The following MAP4K4 variants were observed in gnomAD, a reference collection of about 807,000 sequenced individuals.
MAP4K4 encodes the protein HPK/GCK-like kinase HGK.
Under a neutral mutation model 189.6 loss-of-function variants are expected in MAP4K4, and 38 were observed. The ratio of observed to expected loss-of-function variants is 0.20; its 90% CI spans 0.15 to 0.26. The LOEUF (loss-of-function observed/expected upper bound fraction) is 0.26. Ranked by LOEUF, MAP4K4 falls within the 10% of genes least tolerant of loss-of-function variation. The pLI, the probability that MAP4K4 is intolerant of heterozygous loss-of-function variation, is 1.00. For missense variants in MAP4K4, 1,054 were observed against 1,726.9 expected (o/e 0.61, Z 6.91); for synonymous variants, 610 against 624.3 (o/e 0.98, Z 0.34).
rs199860196 is a variant in MAP4K4, at chr2:101,732,432, T to A, written c.123+33894T>A. Reference sequence around the variant, plus strand: ...TGCTGTGAAGTGGGATGCTATAAAATTCGGGGGAGTTTTCCTTCTACCCGG... The same window carrying A: ...TGCTGTGAAGTGGGATGCTATAAAAATCGGGGGAGTTTTCCTTCTACCCGG... On this transcript the variant is annotated intron_variant, in intron 2 of 32. Coordinates refer to ENST00000324219, the Ensembl canonical transcript of MAP4K4. 3.9e-5 allele frequency among the ~76,000 whole-genome samples: 6 copies of A among 152,090 alleles called. No homozygotes were observed. In the East Asian group the frequency reaches 1.2e-3, roughly 29 times the overall value.
chr2:101,830,618 C>G (rs937119585), intron 6 of MAP4K4, among the ~76,000 whole-genome samples: 3 of 152,128 alleles, frequency 2.0e-5, no homozygotes, highest in African/African-American at 7.2e-5. Context: ...TGTTGGTTTT[C>G]TATGGAGGAA....
chr2:101,872,027 C>A (rs1352344468), intron 24 of MAP4K4, among the ~76,000 whole-genome samples: 1 of 152,158 alleles, frequency 6.6e-6, no homozygotes. Context: ...TTCTTATAGT[C>A]ATTTGTGGAA....
chr2:101,862,686 G>A (rs900656342), intron 16 of MAP4K4, among the ~76,000 whole-genome samples: 12 of 152,120 alleles, frequency 7.9e-5, no homozygotes, highest in Non-Finnish European at 1.3e-4. Flanking sequence ...GACTTTTCTC[G>A]TGTAGGACTC....
chr2:101,707,921 C>CT (rs1471643679), intron 2 of MAP4K4, among the ~76,000 whole-genome samples: 1 of 149,386 alleles, frequency 6.7e-6, no homozygotes, highest in Admixed American at 6.7e-5. Flanking sequence ...AGGATAGTCT[C>CT]TTATCTCCTG....
At chr2:101,850,975 A>G (rs2097265072) in intron 12 of MAP4K4, among the ~76,000 whole-genome samples, 1 of 152,242 alleles carries the variant, frequency 6.6e-6, no homozygotes, top group Non-Finnish European at 1.5e-5. Context: ...AGTCCAAAGA[A>G]TTAACTAGTT....
chr2:101,867,337 T>C (rs777930635), intron 20 of MAP4K4, 28 bp downstream of exon 20: 1 of 1,530,638 alleles, frequency 6.5e-7, no homozygotes, highest in Admixed American at 1.8e-5. Context: ...TCAGTTTTAC[T>C]TATTTCAGAC....
At chr2:101,816,569 A>C (rs192117816) in intron 3 of MAP4K4, among the ~76,000 whole-genome samples, 8 of 152,310 alleles carry the variant, frequency 5.3e-5, no homozygotes, top group Admixed American at 2.6e-4. Context: ...GACTGAGGCA[A>C]GATTCTCCTC....
At chr2:101,881,691 G>A (rs2098396059) in intron 27 of MAP4K4, among the ~76,000 whole-genome samples, 1 of 152,102 alleles carries the variant, frequency 6.6e-6, no homozygotes, top group Non-Finnish European at 1.5e-5. Context: ...TCAAATTGAG[G>A]CAGTTCCCCC....
rs113892799 is a variant in MAP4K4, at chr2:101,878,161, C to T, written c.3385+1015C>T. Among the ~76,000 whole-genome samples, 322 of 152,306 alleles carry T rather than the reference C, an allele frequency of 2.1e-3. 1 individual carries two copies. The highest frequency in any genetic ancestry group is 5.0e-3 in the South Asian group (24 of 4,828). On this transcript the variant is annotated intron_variant, in intron 27 of 32. Coordinates refer to ENST00000324219, the Ensembl canonical transcript of MAP4K4. ...AAGTAGAATCATCCAGAGATCATAT[C>T]TTTTAACTTTTATAAGTTTTTAAAT...
At position 101,808,077 on chromosome 2, in the gene MAP4K4, A is replaced by G. The variant is rs577140970; in HGVS notation, c.181-15851A>G. Among the ~76,000 whole-genome samples the G allele has an allele frequency of 3.9e-5, 6 of 152,354 alleles. No homozygotes were observed. The East Asian group carries it at 9.6e-4, about 24-fold the overall frequency. ...CAACAACGGAAGTTTTCTTCAGGAT[A>G]AGCCCATTTTTCATTGCCTTACAAA... On this transcript the variant is annotated intron_variant, in intron 3 of 32. Coordinates refer to ENST00000324219, the Ensembl canonical transcript of MAP4K4.
intron 2 of MAP4K4, among the ~76,000 whole-genome samples, chr2:101,764,099 A>G (rs764850581): frequency 1.3e-5 from 2 of 152,088 alleles, no homozygotes; most frequent in Admixed American, 6.6e-5. Flanking sequence ...AGGAGGGTTT[A>G]TTTAACATAC....
intron 3 of MAP4K4, among the ~76,000 whole-genome samples, chr2:101,804,025 C>T (rs550266144): frequency 4.6e-5 from 7 of 152,258 alleles, no homozygotes; most frequent in East Asian, 3.9e-4. Flanking sequence ...ATGGCCTCAG[C>T]GTTGCGGGAA....
chr2:101,806,561 G>A (rs1370672704), intron 3 of MAP4K4, among the ~76,000 whole-genome samples: 3 of 152,024 alleles, frequency 2.0e-5, no homozygotes, highest in African/African-American at 2.4e-5. Context: ...TATATTTTTA[G>A]TAGAGACAGG....
chr2:101,803,245 A>ATGTGTGTGTGTGTGTGTG (rs6146862), intron 3 of MAP4K4, among the ~76,000 whole-genome samples: 16 of 150,242 alleles, frequency 1.1e-4, no homozygotes, highest in African/African-American at 3.5e-4. Context: ...GATGATGATG[A>ATGTGTGTGTGTGTGTGTG]TGTGTGTGTG....
At chr2:101,716,269 C>A (rs569716562) in intron 2 of MAP4K4, among the ~76,000 whole-genome samples, 1 of 152,076 alleles carries the variant, frequency 6.6e-6, no homozygotes, top group Non-Finnish European at 1.5e-5. Flanking sequence ...CGGTGAAACG[C>A]CGTCTCTACT....
At chr2:101,845,036 G>T (rs1023682966) in intron 12 of MAP4K4, among the ~76,000 whole-genome samples, 3 of 152,118 alleles carry the variant, frequency 2.0e-5, no homozygotes, top group Non-Finnish European at 4.4e-5. Context: ...TACAAGTCAA[G>T]GAAGGACCAA....
intron 7 of MAP4K4, among the ~76,000 whole-genome samples, chr2:101,833,403 G>A (rs1482641644): frequency 1.3e-5 from 2 of 152,030 alleles, no homozygotes; most frequent in Admixed American, 6.6e-5. Context: ...GGTGGATCAC[G>A]AGGTCAAGAG....
At chr2:101,726,049 C>T (rs11894820) in intron 2 of MAP4K4, among the ~76,000 whole-genome samples, 10,109 of 152,234 alleles carry the variant, frequency 0.066, 422 homozygotes, top group African/African-American at 0.12. Context: ...TTAGCTTCAC[C>T]GCTTCCTCAG....
intron 5 of MAP4K4, among the ~76,000 whole-genome samples, chr2:101,828,731 G>A (rs1021193556): frequency 6.6e-6 from 1 of 152,178 alleles, no homozygotes; most frequent in African/African-American, 2.4e-5. Context: ...GTATCTTAAG[G>A]AGGCGAGCTG....
Sources: allele counts gnomAD v4.1 joint callset (sites outside exome capture counted in the v4.1 genomes callset), GRCh38; gene constraint gnomAD v4.1.1; transcripts MANE v1.5; gene names NCBI Gene and HGNC (gene_info 2026-07-23, HGNC 2026-07-21).